NHSL3: variants seen among roughly 807,000 people sequenced by gnomAD.
NHSL3 encodes the protein NHS like 3, also known as NHS-like protein 3.
the NHSL3 span, chr1:32,769,622 G>A: frequency 7.3e-7 from 1 of 1,362,028 alleles, no homozygotes; most frequent in Non-Finnish European, 1.0e-6. Context: ...CCTGCAGAAT[G>A]TGCCTGGAGT....
chr1:32,759,083 A>G, the NHSL3 span, among the ~76,000 whole-genome samples: 1 of 152,208 alleles, frequency 6.6e-6, no homozygotes, highest in Non-Finnish European at 1.5e-5. Context: ...GCAGCCAGTC[A>G]GAGTTGGGCT....
chr1:32,758,491 A>G, the NHSL3 span, among the ~76,000 whole-genome samples: 1 of 152,002 alleles, frequency 6.6e-6, no homozygotes, highest in African/African-American at 2.4e-5. Flanking sequence ...TCCCTCCTCC[A>G]TTCCCCCCAT....
the NHSL3 span, chr1:32,742,125 A>G: frequency 8.0e-7 from 1 of 1,246,680 alleles, no homozygotes; most frequent in Non-Finnish European, 1.0e-6. Context: ...AGGGCGCCGA[A>G]CCGGCCGCCC....
the NHSL3 span, chr1:32,772,766 C>T: frequency 4.6e-5 from 54 of 1,182,702 alleles, no homozygotes; most frequent in Admixed American, 5.5e-4. Context: ...TAAATCAAAG[C>T]GGTAAGAAGG....
the NHSL3 span, chr1:32,770,417 G>A: frequency 1.2e-6 from 2 of 1,608,008 alleles, no homozygotes; most frequent in Admixed American, 3.3e-5. This position sits in a 1 kb window ranked among gnomAD's most constrained non-coding sequence, Gnocchi z 8.3. Context: ...TCCTCCTCCA[G>A]TGACACCTGG....
the NHSL3 span, chr1:32,768,163 G>C: frequency 7.8e-7 from 1 of 1,284,654 alleles, no homozygotes; most frequent in Non-Finnish European, 1.1e-6. Flanking sequence ...CTACCTGCTT[G>C]ACCCCTGGCA....
chr1:32,745,112 C>T, the NHSL3 span, among the ~76,000 whole-genome samples: 1 of 138,532 alleles, frequency 7.2e-6, no homozygotes, highest in Non-Finnish European at 1.5e-5. Context: ...GGCAACAGAG[C>T]GAGACTCAGA....
chr1:32,769,951 A>G, the NHSL3 span: 1 of 1,607,406 alleles, frequency 6.2e-7, no homozygotes, highest in East Asian at 2.2e-5. Context: ...ACGCATCCCC[A>G]CAGTGGACGG....
At chr1:32,769,991 C>T in the NHSL3 span, 3 of 1,605,118 alleles carry the variant, frequency 1.9e-6, no homozygotes, top group African/African-American at 2.7e-5. Flanking sequence ...GGGATGGGGG[C>T]CCGGGTGTCC....
At chr1:32,742,081 GGCAAGCGGC>G in the NHSL3 span, 1 of 1,257,564 alleles carries the variant, frequency 8.0e-7, no homozygotes, top group Non-Finnish European at 1.0e-6. Context: ...CTGGCTGCGG[GGCAAGCGGC>G]GCAAGAAGAA....
the NHSL3 span, among the ~76,000 whole-genome samples, chr1:32,764,518 A>G: frequency 6.7e-6 from 1 of 149,178 alleles, no homozygotes; most frequent in African/African-American, 2.5e-5. Context: ...TCCAGGCTGG[A>G]GTGCAGTGGT....
chr1:32,772,531 C>G, the NHSL3 span: 2 of 1,472,296 alleles, frequency 1.4e-6, no homozygotes, highest in South Asian at 2.9e-5. Flanking sequence ...GTTCTTGGAT[C>G]TTTAACTTTT....
chr1:32,772,218 G>C, the NHSL3 span: 10 of 1,609,760 alleles, frequency 6.2e-6, no homozygotes, highest in East Asian at 2.0e-4. Context: ...GGCCACCCCA[G>C]GCCCCAAAGA....
chr1:32,769,098 CAAA>C, the NHSL3 span, among the ~76,000 whole-genome samples: 1 of 151,970 alleles, frequency 6.6e-6, no homozygotes, highest in African/African-American at 2.4e-5. Flanking sequence ...ACTAAAAATA[CAAA>C]AAATTAGCCT....
At chr1:32,742,110 G>T in the NHSL3 span, 1 of 1,249,900 alleles carries the variant, frequency 8.0e-7, no homozygotes, top group Non-Finnish European at 1.0e-6. Context: ...AGGCGGCGGG[G>T]GCCGAGGGCG....
At chr1:32,749,462 C>T in the NHSL3 span, among the ~76,000 whole-genome samples, 154 of 152,238 alleles carry the variant, frequency 1.0e-3, no homozygotes, top group African/African-American at 3.5e-3. Context: ...TCTCAGAGCT[C>T]ATGGCCCGAG....
At chr1:32,770,423 C>A in the NHSL3 span, 2 of 1,607,974 alleles carry the variant, frequency 1.2e-6, no homozygotes, top group Admixed American at 1.7e-5. This position sits in a 1 kb window ranked among gnomAD's most constrained non-coding sequence, Gnocchi z 8.3. Flanking sequence ...TCCAGTGACA[C>A]CTGGAGCCAC....
chr1:32,761,651 C>T, the NHSL3 span, among the ~76,000 whole-genome samples: 1 of 152,170 alleles, frequency 6.6e-6, no homozygotes. Context: ...TAGGAAAGTA[C>T]CTTCCAGTAC....
the NHSL3 span, among the ~76,000 whole-genome samples, chr1:32,761,839 G>C: frequency 6.6e-6 from 1 of 152,076 alleles, no homozygotes; most frequent in African/African-American, 2.4e-5. Flanking sequence ...TGGCCTAAGA[G>C]GGGAAGAGTG....
Sources: allele counts gnomAD v4.1 joint callset (sites outside exome capture counted in the v4.1 genomes callset), GRCh38; gene constraint gnomAD v4.1.1; non-coding constraint Gnocchi (gnomAD v3.1); transcripts MANE v1.5; gene names NCBI Gene and HGNC (gene_info 2026-07-23, HGNC 2026-07-21).